NEK3: variants seen among roughly 807,000 people sequenced by gnomAD.
NEK3 encodes the protein NIMA related kinase 3.
Under a neutral mutation model 66.0 loss-of-function variants are expected in NEK3, and 54 were observed. That is an observed-to-expected ratio of 0.82 (90% CI 0.66 to 1.03). NEK3 has a LOEUF of 1.03. Among genes scored for constraint, NEK3 ranks in the 50% least tolerant of loss-of-function variants. The pLI is 0.00. For synonymous variants in NEK3, 200 were observed against 206.2 expected, an observed-to-expected ratio of 0.97 and a Z score of 0.26; for missense variants, 593 against 603.0, an observed-to-expected ratio of 0.98 and a Z score of 0.17.
At chr13:52,141,350 A>G (rs1291483332) in intron 10 of NEK3, among the ~76,000 whole-genome samples, 1 of 152,234 alleles carries the variant, frequency 6.6e-6, no homozygotes, top group African/African-American at 2.4e-5. Context: ...AAGCACTAAG[A>G]GGTAACATAC....
chr13:52,137,388 T>C (rs1278404959), intron 11 of NEK3, among the ~76,000 whole-genome samples: 1 of 152,244 alleles, frequency 6.6e-6, no homozygotes, highest in African/African-American at 2.4e-5. Flanking sequence ...TCGTGAAATA[T>C]AGTAATACAC....
intron 12 of NEK3, among the ~76,000 whole-genome samples, chr13:52,136,573 G>A (rs1164475178): frequency 6.6e-6 from 1 of 151,998 alleles, no homozygotes; most frequent in Admixed American, 6.6e-5. Flanking sequence ...GCTTTTTATG[G>A]TGGATAGCAC....
intron 8 of NEK3, among the ~76,000 whole-genome samples, chr13:52,146,174 TG>T (rs1594026523): frequency 6.6e-6 from 1 of 152,302 alleles, no homozygotes; most frequent in East Asian, 1.9e-4. Flanking sequence ...TTAATTACAG[TG>T]TGGGGTATAT....
chr13:52,151,059 T>C (rs2138207879), intron 7 of NEK3, 87 bp downstream of exon 7: 1 of 1,001,956 alleles, frequency 1.0e-6, no homozygotes, highest in East Asian at 2.6e-5. Context: ...GCATCTGTTT[T>C]GAAGTGACGT....
In NEK3 at chr13:52,154,006, A is replaced by T. The variant is rs746042622; in HGVS notation, c.212-14T>A. Reference sequence around the variant, plus strand: ...AGTGTCCTTCAGCTAAAACAGATATAAGCTCTTTAGAAAAGCTGTAGTGGC... The same window carrying T: ...AGTGTCCTTCAGCTAAAACAGATATTAGCTCTTTAGAAAAGCTGTAGTGGC... On this transcript the variant is annotated splice_polypyrimidine_tract_variant and intron_variant, in intron 3 of 15. Coordinates refer to ENST00000610828, the MANE Select transcript of NEK3 (RefSeq NM_002498.3). 34 of 1,607,230 alleles carry T rather than the reference A, an allele frequency of 2.1e-5. No homozygotes were observed. Among genetic ancestry groups the T allele is most frequent in the Non-Finnish European group, 2.7e-5 (32 of 1,174,100 alleles).
At chr13:52,143,844 T>C (rs1566855020) in intron 10 of NEK3, 71 bp downstream of exon 10, 2 of 786,180 alleles carry the variant, frequency 2.5e-6, no homozygotes, top group South Asian at 1.6e-5. Flanking sequence ...TTAAAAATTA[T>C]ACATTTCTTT....
chr13:52,137,996 G>A (rs752525913), intron 11 of NEK3, among the ~76,000 whole-genome samples: 31 of 152,136 alleles, frequency 2.0e-4, no homozygotes, highest in Non-Finnish European at 3.5e-4. Flanking sequence ...ATCTGCAAAG[G>A]GCACAAGGAA....
chr13:52,145,373 A>G (rs1333079559), intron 8 of NEK3, among the ~76,000 whole-genome samples: 1 of 152,162 alleles, frequency 6.6e-6, no homozygotes, highest in East Asian at 1.9e-4. Flanking sequence ...GTGCAATCAC[A>G]GCTCACTGCA....
intron 12 of NEK3, 142 bp from the exon 13 acceptor site, chr13:52,136,401 C>G: frequency 1.1e-6 from 1 of 894,954 alleles, no homozygotes; most frequent in Non-Finnish European, 1.6e-6. Context: ...AATGTTCTTT[C>G]TAATCTAAGT....
intron 14 of NEK3, among the ~76,000 whole-genome samples, chr13:52,134,686 T>C (rs1360554461): frequency 1.3e-5 from 2 of 152,190 alleles, no homozygotes; most frequent in Non-Finnish European, 2.9e-5. Context: ...GACAAAGACT[T>C]CATCACTGGA....
Position 52,151,406 on chromosome 13 carries a change from G to T in NEK3, c.394-14C>A. ...GAGGAAGATATTCTGCATTTAAAAA[G>T]AAAAGCTCAGATTATGTCTTCTATC... On this transcript the variant is annotated splice_polypyrimidine_tract_variant and intron_variant, in intron 5 of 15. Coordinates refer to ENST00000610828, the MANE Select transcript of NEK3 (RefSeq NM_002498.3). 1 of 1,565,220 alleles carries T rather than the reference G, an allele frequency of 6.4e-7. No individual in the cohort carries two copies. Among genetic ancestry groups the T allele is most frequent in the Non-Finnish European group, 8.7e-7 (1 of 1,153,786 alleles).
At position 52,144,693 on chromosome 13, in the gene NEK3, CGG is replaced by C; in HGVS notation, c.800_801del (p.Pro267ArgfsTer8). On this transcript the variant is annotated frameshift_variant, in exon 9 of 16. Coordinates refer to ENST00000610828, the MANE Select transcript of NEK3 (RefSeq NM_002498.3). LOFTEE classifies it high-confidence loss of function. ...VARLVQKCLP[P>X]EIIMEYGEEV... ...AACCAATCCAACACAGATCATACCT[CGG>C]GGGGTAAGCACTTCTGGACAAGCCG... 1 of 1,613,588 alleles carries C rather than the reference CGG, an allele frequency of 6.2e-7. No homozygotes were observed. Among genetic ancestry groups the C allele is most frequent in the South Asian group, 1.1e-5 (1 of 91,032 alleles).
Position 52,153,983 on chromosome 13 carries a change from T to C in NEK3, c.221A>G (p.His74Arg). The part of the protein sequence containing the change: ...AFKESFEAEG[H>R]LYIVMEYCDG... ...ACAGTATTCCATCACAATATACAAGTGTCCTTCAGCTAAAACAGATATAAG... is the reference window on the plus strand; with the variant it reads ...ACAGTATTCCATCACAATATACAAGCGTCCTTCAGCTAAAACAGATATAAG... Residue 74 changes from histidine (H) to arginine (R), a missense_variant, in exon 4 of 16, where the codon CAC becomes CGC. His to Arg is a conservative substitution (Grantham distance 29). Transcript: ENST00000610828. The C allele has an allele frequency of 6.2e-7, 1 of 1,612,648 alleles. No homozygotes were observed. Among genetic ancestry groups the C allele is most frequent in the South Asian group, 1.1e-5 (1 of 91,028 alleles).
At chr13:52,139,877 T>C (rs1956233256) in intron 11 of NEK3, among the ~76,000 whole-genome samples, 1 of 151,628 alleles carries the variant, frequency 6.6e-6, no homozygotes, top group Non-Finnish European at 1.5e-5. Context: ...CCAGCCTGGG[T>C]GGCAGAGGGA....
chr13:52,153,858 T>C lies in NEK3; in HGVS notation c.309+37A>G, dbSNP rs373974723. The C allele has an allele frequency of 2.5e-5, 37 of 1,453,166 alleles. No homozygotes were observed. The African/African-American group carries it at 4.3e-4, about 17-fold the overall frequency. 90.0% of individuals were successfully genotyped at this position (1,453,166 alleles called of 1,614,324 possible). On this transcript the variant is annotated intron_variant, in intron 4 of 15. Transcript: ENST00000610828. ...TAAAGTTTATGAGAAAAGTGGCTTC[T>C]AAACCTTGAGAGAAACTATGTAAGT...
intron 9 of NEK3, 41 bp from the exon 10 acceptor site, chr13:52,144,028 C>T (rs779198942): frequency 9.0e-7 from 1 of 1,105,168 alleles, no homozygotes; most frequent in South Asian, 1.4e-5. Context: ...TGAAAACATA[C>T]TTTTCTATAG....
chr13:52,151,305 C>A lies in NEK3; in HGVS notation c.461+20G>T. 6.3e-7 allele frequency: 1 copy of A among 1,596,522 alleles called. No individual in the cohort carries two copies. The highest frequency in any genetic ancestry group is 8.5e-7 in the Non-Finnish European group (1 of 1,170,884). Reference sequence around the variant, plus strand: ...TTGATGTTTTGATTACTGTCACTACCGTAGAACAGACATACATACTTGGAG... The same window carrying A: ...TTGATGTTTTGATTACTGTCACTACAGTAGAACAGACATACATACTTGGAG... On this transcript the variant is annotated intron_variant, in intron 6 of 15. Coordinates refer to ENST00000610828, the MANE Select transcript of NEK3 (RefSeq NM_002498.3).
intron 10 of NEK3, among the ~76,000 whole-genome samples, chr13:52,141,713 T>C (rs1464995187): frequency 6.6e-6 from 1 of 152,214 alleles, no homozygotes; most frequent in African/African-American, 2.4e-5. Context: ...AAACTGGAGA[T>C]GCCATCAGAC....
intron 10 of NEK3, among the ~76,000 whole-genome samples, chr13:52,141,737 C>CAAA (rs1956251639): frequency 7.6e-5 from 11 of 144,990 alleles, no homozygotes. Context: ...TGGTCCCAGT[C>CAAA]TGGTGGCATT....
Sources: gnomAD v4.1 joint callset for allele counts (sites outside exome capture counted in the v4.1 genomes callset) on GRCh38, gnomAD v4.1.1 for gene constraint, MANE v1.5 for transcripts, NCBI Gene and HGNC (gene_info 2026-07-23, HGNC 2026-07-21) for gene names.